SMYD3: variants seen among roughly 807,000 people sequenced by gnomAD.
SMYD3 encodes the protein histone-lysine N-methyltransferase SMYD3.
A neutral mutation model predicts 57.7 loss-of-function variants in SMYD3; 36 were observed. That is an observed-to-expected ratio of 0.62 (90% confidence interval 0.48 to 0.82). The LOEUF (loss-of-function observed/expected upper bound fraction) is 0.82. Among genes scored for constraint, SMYD3 ranks in the 40% least tolerant of loss-of-function variants. The pLI is 0.00. For synonymous variants in SMYD3, 211 were observed against 195.0 expected (o/e 1.08, Z -0.68); for missense variants, 515 against 538.8 (o/e 0.96, Z 0.44).
At chr1:245,871,606 G>A (rs1572559157) in intron 8 of SMYD3, among the ~76,000 whole-genome samples, 1 of 152,196 alleles carries the variant, frequency 6.6e-6, no homozygotes, top group South Asian at 2.1e-4. Context: ...ACAGAAATTA[G>A]TGAAAAAGAA....
At chr1:245,862,435 GTTC>G (rs545001074) in intron 9 of SMYD3, among the ~76,000 whole-genome samples, 54 of 152,096 alleles carry the variant, frequency 3.6e-4, no homozygotes, top group Admixed American at 1.2e-3. Flanking sequence ...TTTTATATAT[GTTC>G]TTGTTATATT....
At chr1:245,876,138 A>G (rs1572569512) in intron 8 of SMYD3, among the ~76,000 whole-genome samples, 1 of 152,210 alleles carries the variant, frequency 6.6e-6, no homozygotes. Context: ...AGACATGCCC[A>G]CATACACACA....
At chr1:245,987,844 A>T (rs2058733203) in intron 5 of SMYD3, among the ~76,000 whole-genome samples, 2 of 152,218 alleles carry the variant, frequency 1.3e-5, no homozygotes. Context: ...GCTTCGTTGT[A>T]TTCTAAAGCA....
At chr1:245,843,847 T>C (rs1439097189) in intron 10 of SMYD3, among the ~76,000 whole-genome samples, 1 of 152,172 alleles carries the variant, frequency 6.6e-6, no homozygotes, top group Non-Finnish European at 1.5e-5. Flanking sequence ...TTGGAGGATT[T>C]TGAAACTCAG....
At chr1:246,016,036 G>A (rs2059370786) in intron 5 of SMYD3, among the ~76,000 whole-genome samples, 1 of 152,164 alleles carries the variant, frequency 6.6e-6, no homozygotes, top group Non-Finnish European at 1.5e-5. Context: ...GAATGCTGGA[G>A]TGCTGAGCTG....
At chr1:245,834,413 G>A (rs534206871) in intron 10 of SMYD3, among the ~76,000 whole-genome samples, 2 of 152,256 alleles carry the variant, frequency 1.3e-5, no homozygotes, top group Non-Finnish European at 2.9e-5. Flanking sequence ...TTCCAAAATC[G>A]TATCAGAGCT....
At chr1:245,918,696 A>G (rs925655505) in intron 7 of SMYD3, among the ~76,000 whole-genome samples, 1 of 152,236 alleles carries the variant, frequency 6.6e-6, no homozygotes, top group Non-Finnish European at 1.5e-5. Context: ...AGATAGATTC[A>G]TCTTATACTA....
chr1:245,802,854 C>A (rs539499688), intron 10 of SMYD3, among the ~76,000 whole-genome samples: 14 of 152,316 alleles, frequency 9.2e-5, no homozygotes, highest in African/African-American at 3.4e-4. Flanking sequence ...TTATCTTGGG[C>A]AAATCTCTTA....
chr1:246,179,052 C>T, intron 5 of SMYD3: 1 of 153,490 alleles, frequency 6.5e-6, no homozygotes, highest in Middle Eastern at 1.3e-3. Flanking sequence ...TAAACAAGTT[C>T]AAGGCCATGC....
chr1:246,190,543 C>A (rs1250498554), intron 5 of SMYD3, among the ~76,000 whole-genome samples: 2 of 136,776 alleles, frequency 1.5e-5, no homozygotes, highest in African/African-American at 2.8e-5. Context: ...CAAGATCGTG[C>A]CATTGCACTC....
chr1:245,749,772 C>T (rs1323151818), intron 11 of SMYD3, 108 bp from the exon 12 acceptor site: 7 of 755,768 alleles, frequency 9.3e-6, no homozygotes, highest in Admixed American at 2.3e-5. Context: ...CACAGGTTTA[C>T]AGGGTGAACA....
Position 245,793,226 on chromosome 1 carries a change from T to A in SMYD3, c.1077-29077A>T, listed in dbSNP as rs182023371. Among the ~76,000 whole-genome samples the A allele has an allele frequency of 1.0e-3, 159 of 151,850 alleles. 2 individuals carry two copies. Among genetic ancestry groups the A allele is most frequent in the African/African-American group, 3.3e-3 (137 of 41,398 alleles). On this transcript the variant is annotated intron_variant, in intron 10 of 11. Transcript: ENST00000490107. The stretch of plus-strand genomic sequence containing the variant: ...CGGGAGGCTGAGGCAGGAGAATCGC[T>A]TGAACCCAGGAGACGGAGCTTGAAG...
intron 5 of SMYD3, among the ~76,000 whole-genome samples, chr1:246,323,521 T>C (rs1322518602): frequency 1.3e-5 from 2 of 152,202 alleles, no homozygotes; most frequent in Non-Finnish European, 2.9e-5. Flanking sequence ...GCAATAATCA[T>C]GAGCTTCCAT....
At chr1:245,773,668 TTA>T (rs2046428079) in intron 10 of SMYD3, among the ~76,000 whole-genome samples, 1 of 152,206 alleles carries the variant, frequency 6.6e-6, no homozygotes, top group South Asian at 2.1e-4. Flanking sequence ...CACTATTTTT[TTA>T]GAGTGTGAAA....
intron 5 of SMYD3, among the ~76,000 whole-genome samples, chr1:246,247,445 C>T (rs1242066775): frequency 3.5e-5 from 3 of 84,984 alleles, no homozygotes; most frequent in Non-Finnish European, 7.0e-5. Flanking sequence ...AGAAGGATAA[C>T]TCTCTCTCTC....
At chr1:246,110,592 C>T (rs1489645996) in intron 5 of SMYD3, among the ~76,000 whole-genome samples, 1 of 152,212 alleles carries the variant, frequency 6.6e-6, no homozygotes, top group East Asian at 1.9e-4. Flanking sequence ...TGTCCTGGCT[C>T]CCCGCTGCAA....
intron 5 of SMYD3, among the ~76,000 whole-genome samples, chr1:246,128,852 G>GA (rs1230761402): frequency 6.6e-6 from 1 of 152,072 alleles, no homozygotes; most frequent in African/African-American, 2.4e-5. Context: ...GCCCAGGCTG[G>GA]AGTGCAGTGG....
intron 5 of SMYD3, among the ~76,000 whole-genome samples, chr1:246,234,301 G>A (rs2063477406): frequency 6.6e-6 from 1 of 150,528 alleles, no homozygotes; most frequent in Non-Finnish European, 1.5e-5. Flanking sequence ...ATACACCAGA[G>A]GAGAAGTGCT....
chr1:246,116,458 C>A (rs1374626181), intron 5 of SMYD3, among the ~76,000 whole-genome samples: 1 of 152,200 alleles, frequency 6.6e-6, no homozygotes, highest in Non-Finnish European at 1.5e-5. Context: ...TTCACTGGCT[C>A]TCCTGCAGAG....
Sources: allele counts gnomAD v4.1 joint callset (sites outside exome capture counted in the v4.1 genomes callset), GRCh38; gene constraint gnomAD v4.1.1; transcripts MANE v1.5; gene names NCBI Gene and HGNC (gene_info 2026-07-23, HGNC 2026-07-21).